CYC1: variants seen among roughly 807,000 people sequenced by gnomAD.
CYC1 encodes cytochrome c1.
In CYC1, 10 loss-of-function variants were observed where a neutral mutation model predicts 33.8. That is an observed-to-expected ratio of 0.30 (90% CI 0.18 to 0.50). The LOEUF is 0.50. Ranked by LOEUF, CYC1 falls within the 20% of genes least tolerant of loss-of-function variation. The probability of loss-of-function intolerance (pLI) is 0.98; values close to 1 mark genes in which losing one functional copy is unlikely to be tolerated. For synonymous variants in CYC1, 224 were observed against 181.9 expected (o/e 1.23, Z -1.86); for missense variants, 459 against 437.6 (o/e 1.05, Z -0.44).
At position 144,095,707 on chromosome 8, in the gene CYC1, G is replaced by A. The variant is rs572258446; in HGVS notation, c.130-126G>A. 84 of 972,422 alleles carry A rather than the reference G, an allele frequency of 8.6e-5. No homozygotes were observed. In the East Asian group the frequency reaches 2.0e-3, roughly 23 times the overall value. 60.2% of individuals were successfully genotyped at this position (972,422 alleles called of 1,614,324 possible). On this transcript the variant is annotated intron_variant, in intron 1 of 6. Transcript: ENST00000318911. ...CGGAGAGGGATGGGGTGGGTAGTGG[G>A]ACAGGGTGTGCGTCTGGTGCCCTGC...
In CYC1 at chr8:144,096,402, C is replaced by T. The variant is rs201897743; in HGVS notation, c.519C>T (p.Asp173=). The change falls in exon 4 of 7, where the codon GAC becomes GAT. Residue 173 remains aspartate (D), a synonymous_variant. Transcript: ENST00000318911. ...EMFMRPGKLF[D]YFPKPYPNSE... is the part of the protein sequence containing the mutation. ...TCATGCGGCCAGGGAAGCTGTTCGA[C>T]TATTTCCCAAAACCATACCCCAACA... The T allele has an allele frequency of 4.6e-5, 75 of 1,614,020 alleles. No homozygotes were observed. The highest frequency in any genetic ancestry group is 6.1e-5 in the Non-Finnish European group (72 of 1,180,036).
intron 1 of CYC1, chr8:144,095,532 C>T (rs889338594): frequency 2.3e-5 from 11 of 470,062 alleles, no homozygotes; most frequent in African/African-American, 1.8e-4. Context: ...CCAAACTGGG[C>T]CCGCGTCCTG....
Position 144,096,754 on chromosome 8 carries a change from C to T in CYC1, c.772+10C>T. 3 of 1,010,204 alleles carry T rather than the reference C, an allele frequency of 3.0e-6. No individual in the cohort carries two copies. Among genetic ancestry groups the T allele is most frequent in the South Asian group, 3.0e-5 (2 of 67,494 alleles). The allele number at this position is 1,010,204 out of a possible 1,614,324, so 62.6% of individuals were successfully genotyped here. ...TTAGAGTTTGACGATGGTAAGAGGC[C>T]TCCAGTCTGGCAGTGGGCATGTGGA... On this transcript the variant is annotated intron_variant, in intron 5 of 6. Coordinates refer to ENST00000318911, the MANE Select transcript of CYC1 (RefSeq NM_001916.5).
chr8:144,097,053 C>A lies in CYC1; in HGVS notation c.792C>A (p.Ser264=). The change falls in exon 6 of 7, where the codon TCC becomes TCA. Residue 264 remains serine (S), a synonymous_variant. Coordinates refer to ENST00000318911, the MANE Select transcript of CYC1 (RefSeq NM_001916.5). ...GGCCAGGCACCCCAGCTACCATGTC[C>A]CAGATAGCCAAGGATGTGTGCACCT... ...EFDDGTPATM[S]QIAKDVCTFL... The A allele has an allele frequency of 6.2e-7, 1 of 1,609,200 alleles. No homozygotes were observed. The highest frequency in any genetic ancestry group is 8.5e-7 in the Non-Finnish European group (1 of 1,177,468).
chr8:144,095,788 A>G (rs1836136741), intron 1 of CYC1, 45 bp from the exon 2 acceptor site: 2 of 1,582,806 alleles, frequency 1.3e-6, no homozygotes, highest in Non-Finnish European at 8.5e-7. Context: ...ATCCCCAGGT[A>G]GGGCTGGGTG....
rs1836137480 is a variant in CYC1 at position 144,095,821 on chromosome 8, G to A, written c.130-12G>A. ...GTGGTGTCCTGGCAGGCGCTGAGCG[G>A]AGATCTTGCAGGCAGTGGCCTTGTC... On this transcript the variant is annotated splice_polypyrimidine_tract_variant and intron_variant, in intron 1 of 6. Transcript: ENST00000318911. 3.7e-6 allele frequency: 6 copies of A among 1,603,274 alleles called. No homozygotes were observed. The African/African-American group carries it at 5.3e-5, about 14-fold the overall frequency.
rs762080014 is a variant in CYC1 at position 144,096,334 on chromosome 8, C to CAGGTGG, written c.456_461dup. ...AGGGTTGTGATGAGGCTCTCGGTGG[C>CAGGTGG]AGGTGGAGGTTCAAGACGGCCCCAA... On this transcript the variant is annotated splice_region_variant and splice_polypyrimidine_tract_variant and intron_variant, in intron 3 of 6. Coordinates refer to ENST00000318911, the MANE Select transcript of CYC1 (RefSeq NM_001916.5). 4,383 of 1,611,750 alleles carry CAGGTGG rather than the reference C, an allele frequency of 2.7e-3. 11 individuals are homozygous for CAGGTGG. Among genetic ancestry groups the CAGGTGG allele is most frequent in the Non-Finnish European group, 3.5e-3 (4,089 of 1,179,058 alleles).
At position 144,097,500 on chromosome 8, in the gene CYC1, G is replaced by A. The variant is rs1836189846; in HGVS notation, c.*164G>A. On this transcript the variant is annotated 3_prime_UTR_variant, in exon 7 of 7. Transcript: ENST00000318911. Reference sequence around the variant, plus strand: ...TGGGCCCTCCTTCAGCCCCCATCATGGGAATAAATTAATTTTCTCAATGTA... The same window carrying A: ...TGGGCCCTCCTTCAGCCCCCATCATAGGAATAAATTAATTTTCTCAATGTA... 1.7e-6 allele frequency: 1 copy of A among 604,380 alleles called. No individual in the cohort carries two copies. Among genetic ancestry groups the A allele is most frequent in the Non-Finnish European group, 2.9e-6 (1 of 340,088 alleles). The allele number at this position is 604,380 out of a possible 1,614,324, so 37.4% of individuals were successfully genotyped here.
At position 144,097,297 on chromosome 8, in the gene CYC1, C is replaced by T; in HGVS notation, c.939C>T (p.Val313=). ...CCATAAAGCGGCACAAGTGGTCAGTCCTGAAGAGTCGGAAGCTGGCATATC... is the reference window on the plus strand; with the variant it reads ...CCATAAAGCGGCACAAGTGGTCAGTTCTGAAGAGTCGGAAGCTGGCATATC... The part of the protein sequence containing the change: ...VYTIKRHKWS[V]LKSRKLAYRP... Residue 313 remains valine (V), a synonymous_variant, in exon 7 of 7, where the codon GTC becomes GTT. Transcript: ENST00000318911. 2 of 1,614,070 alleles carry T rather than the reference C, an allele frequency of 1.2e-6. No homozygotes were observed. The highest frequency in any genetic ancestry group is 1.1e-5 in the South Asian group (1 of 91,074).
At position 144,095,878 on chromosome 8, in the gene CYC1, G is replaced by T; in HGVS notation, c.175G>T (p.Val59Leu). The change falls in exon 2 of 7, where the codon GTG becomes TTG. Residue 59 changes from valine (V) to leucine (L), a missense_variant. By Grantham distance (32) the Val-to-Leu change is conservative (BLOSUM62 1). Transcript: ENST00000318911. ...SKSGLSRGRK[V>L]MLSALGMLAA... ...GTCTGGCCTTTCCCGAGGCCGGAAAGTGATGCTGTCAGCGCTGGGCATGCT... is the reference window on the plus strand; with the variant it reads ...GTCTGGCCTTTCCCGAGGCCGGAAATTGATGCTGTCAGCGCTGGGCATGCT... 6.2e-7 allele frequency: 1 copy of T among 1,609,294 alleles called. No homozygotes were observed.
chr8:144,096,136 T>C lies in CYC1; in HGVS notation c.339T>C (p.Gly113=), dbSNP rs1416031820. 3.1e-6 allele frequency: 5 copies of C among 1,612,868 alleles called. No individual in the cohort carries two copies. Among genetic ancestry groups the C allele is most frequent in the Non-Finnish European group, 4.2e-6 (5 of 1,179,792 alleles). The change falls in exon 3 of 7, where the codon GGT becomes GGC. Residue 113 remains glycine, a synonymous_variant. Transcript: ENST00000318911. Reference sequence around the variant, plus strand: ...TCCCTCCCTCCAGCATCCGGAGGGGTTTCCAGGTATATAAGCAGGTGTGCG... The same window carrying C: ...TCCCTCCCTCCAGCATCCGGAGGGGCTTCCAGGTATATAAGCAGGTGTGCG... ...SSLDHTSIRR[G]FQVYKQVCAS...
In CYC1 at chr8:144,096,126, T is replaced by C; in HGVS notation, c.329T>C (p.Ile110Thr). Residue 110 changes from isoleucine (I) to threonine (T), a missense_variant and splice_region_variant, in exon 3 of 7, where the codon ATC becomes ACC. Ile to Thr is a moderately conservative substitution (Grantham distance 89, BLOSUM62 -1). Coordinates refer to ENST00000318911, the MANE Select transcript of CYC1 (RefSeq NM_001916.5). ...CCTAACCCTTTCCCTCCCTCCAGCA[T>C]CCGGAGGGGTTTCCAGGTATATAAG... ...GLLSSLDHTS[I>T]RRGFQVYKQV... 3 of 1,612,732 alleles carry C rather than the reference T, an allele frequency of 1.9e-6. No homozygotes were observed. Among genetic ancestry groups the C allele is most frequent in the Non-Finnish European group, 2.5e-6 (3 of 1,179,722 alleles).
chr8:144,095,247 C>A lies in CYC1; in HGVS notation c.129+19C>A. On this transcript the variant is annotated intron_variant, in intron 1 of 6. Transcript: ENST00000318911. ...ACCTCAGGTGAGCGCTGGGCCGGGC[C>A]CCGGCCTCCGCGCGGCCCCGCATCT... The A allele has an allele frequency of 8.3e-7, 1 of 1,197,712 alleles. No homozygotes were observed. The highest frequency in any genetic ancestry group is 1.0e-6 in the Non-Finnish European group (1 of 965,944). 74.2% of individuals were successfully genotyped at this position (1,197,712 alleles called of 1,614,324 possible).
In CYC1 at chr8:144,096,681, T is replaced by C; in HGVS notation, c.709T>C (p.Phe237Leu). Residue 237 changes from phenylalanine (F) to leucine (L), a missense_variant, in exon 5 of 7, where the codon TTT becomes CTT. Physicochemically the swap from Phe to Leu is conservative, Grantham distance 22. Coordinates refer to ENST00000318911, the MANE Select transcript of CYC1 (RefSeq NM_001916.5). Reference sequence around the variant, plus strand: ...GGAAGGTCTCTACTTCAACCCCTACTTTCCTGGCCAGGCCATTGCCATGGC... The same window carrying C: ...GGAAGGTCTCTACTTCAACCCCTACCTTCCTGGCCAGGCCATTGCCATGGC... ...LREGLYFNPY[F>L]PGQAIAMAPP... The C allele has an allele frequency of 6.2e-7, 1 of 1,612,448 alleles. No individual in the cohort carries two copies. Among genetic ancestry groups the C allele is most frequent in the South Asian group, 1.1e-5 (1 of 91,000 alleles).
rs562084132 is a variant in CYC1, at chr8:144,096,597, G to A, written c.625G>A (p.Asp209Asn). ...ATCTGGTCCTAGGCATGGTGGTGAG[G>A]ACTACGTCTTCTCCCTGCTCACGGG... ...YIVRARHGGE[D>N]YVFSLLTGYC... The change falls in exon 5 of 7, where the codon GAC becomes AAC. Residue 209 changes from aspartate to asparagine, a missense_variant. Physicochemically the swap from Asp to Asn is conservative, Grantham distance 23. Transcript: ENST00000318911. 451 of 1,613,948 alleles carry A rather than the reference G, an allele frequency of 2.8e-4. 1 individual carries two copies. Among genetic ancestry groups the A allele is most frequent in the Middle Eastern group, 6.6e-4 (4 of 6,084 alleles).
In CYC1 at chr8:144,097,128, G is replaced by A. The variant is rs535993678; in HGVS notation, c.867G>A (p.Gly289=). The A allele has an allele frequency of 4.3e-6, 7 of 1,612,188 alleles. No homozygotes were observed. In the East Asian group the frequency reaches 6.7e-5, roughly 15 times the overall value. The change falls in exon 6 of 7, where the codon GGG becomes GGA. Residue 289 remains glycine, a synonymous_variant. Coordinates refer to ENST00000318911, the MANE Select transcript of CYC1 (RefSeq NM_001916.5). The part of the protein sequence containing the change: ...EPEHDHRKRM[G]LKMLMMMALL... Reference sequence around the variant, plus strand: ...AGCACGACCATCGAAAACGCATGGGGCTCAAGGTAAAAGGGTTGGGAGGCC... The same window carrying A: ...AGCACGACCATCGAAAACGCATGGGACTCAAGGTAAAAGGGTTGGGAGGCC...
rs142370723 is a variant in CYC1, at chr8:144,096,129, G to A, written c.332G>A (p.Arg111Gln). The change falls in exon 3 of 7, where the codon CGG (arginine) becomes CAG (glutamine). Residue 111 changes from arginine (R) to glutamine (Q), a missense_variant. Coordinates refer to ENST00000318911, the MANE Select transcript of CYC1 (RefSeq NM_001916.5). Reference protein sequence around the residue: ...LLSSLDHTSIRRGFQVYKQVC... With the variant: ...LLSSLDHTSIQRGFQVYKQVC... ...AACCCTTTCCCTCCCTCCAGCATCC[G>A]GAGGGGTTTCCAGGTATATAAGCAG... The A allele has an allele frequency of 1.2e-6, 2 of 1,612,762 alleles. No homozygotes were observed. Among genetic ancestry groups the A allele is most frequent in the African/African-American group, 1.3e-5 (1 of 74,908 alleles).
chr8:144,096,466 C>G lies in CYC1; in HGVS notation c.583C>G (p.Pro195Ala). The change falls in exon 4 of 7, where the codon CCT becomes GCT. Residue 195 changes from proline (P) to alanine (A), a missense_variant. Physicochemically the swap from Pro to Ala is conservative, Grantham distance 27. Coordinates refer to ENST00000318911, the MANE Select transcript of CYC1 (RefSeq NM_001916.5). ...AGCTGCCAACAACGGAGCATTGCCC[C>G]CTGACCTCAGCTACATCGTGCGAGC... ...ARAANNGALP[P>A]DLSYIVRARH... 3 of 1,614,112 alleles carry G rather than the reference C, an allele frequency of 1.9e-6. No homozygotes were observed. Among genetic ancestry groups the G allele is most frequent in the Non-Finnish European group, 1.7e-6 (2 of 1,180,010 alleles).
At chr8:144,095,748 C>T (rs140130660) in intron 1 of CYC1, 85 bp from the exon 2 acceptor site, 1 of 1,454,282 alleles carries the variant, frequency 6.9e-7, no homozygotes, top group African/African-American at 1.4e-5. Context: ...GAGGCCATTG[C>T]TGGGTGGAGA....
Sources: gnomAD v4.1 joint callset for allele counts on GRCh38, gnomAD v4.1.1 for gene constraint, MANE v1.5 for transcripts, NCBI Gene and HGNC (gene_info 2026-07-23, HGNC 2026-07-21) for gene names.